The following LRP5 variants were observed in gnomAD, a reference collection of about 807,000 sequenced individuals.
LRP5 encodes LDL receptor related protein 5.
In LRP5, 62 loss-of-function variants were observed where a neutral mutation model predicts 154.1. That is an observed-to-expected ratio of 0.40 (90% CI 0.33 to 0.50). The LOEUF is 0.50. LRP5 is among the 20% of genes least tolerant of loss of function. The pLI, the probability that LRP5 is intolerant of heterozygous loss-of-function variation, is 0.55. For missense variants in LRP5, 1,915 were observed against 2,336.7 expected (o/e 0.82, Z 3.72); for synonymous variants, 966 against 1,011.5 (o/e 0.96, Z 0.85).
chr11:68,406,481 G>C (rs1311902755), intron 8 of LRP5, 43 bp from the exon 9 acceptor site: 5 of 1,605,110 alleles, frequency 3.1e-6, no homozygotes, highest in Non-Finnish European at 4.3e-6. Context: ...TTTCCCTGCT[G>C]GGCTGTTGAT....
intron 5 of LRP5, among the ~76,000 whole-genome samples, chr11:68,372,503 T>TGGCGGCG (rs1565353690): frequency 1.9e-3 from 89 of 47,794 alleles, no homozygotes; most frequent in East Asian, 3.3e-3. Flanking sequence ...GACCGGGGAC[T>TGGCGGCG]TGGAGCACCT....
At chr11:68,304,498 C>T in the LRP5 span, among the ~76,000 whole-genome samples, 1 of 152,218 alleles carries the variant, frequency 6.6e-6, no homozygotes, top group African/African-American at 2.4e-5. Context: ...ACATAGAGTC[C>T]CCACTGGGAC....
chr11:68,435,361 T>C (rs2098674285), intron 18 of LRP5, among the ~76,000 whole-genome samples: 1 of 152,246 alleles, frequency 6.6e-6, no homozygotes, highest in South Asian at 2.1e-4. Flanking sequence ...CTCATGGTTC[T>C]GTAGGCAGCA....
At chr11:68,302,810 G>A in the LRP5 span, among the ~76,000 whole-genome samples, 3 of 152,232 alleles carry the variant, frequency 2.0e-5, no homozygotes, top group African/African-American at 4.8e-5. Context: ...AGGTGGCCTC[G>A]CTGGCACAAG....
At chr11:68,415,935 G>A (rs61382873) in intron 12 of LRP5, among the ~76,000 whole-genome samples, 4 of 18,624 alleles carry the variant, frequency 2.1e-4, no homozygotes, top group Admixed American at 7.5e-4. Flanking sequence ...GGCGCCTGTA[G>A]TCCCAGCTAC....
intron 3 of LRP5, among the ~76,000 whole-genome samples, chr11:68,358,360 C>T (rs2098624929): frequency 6.6e-6 from 1 of 152,170 alleles, no homozygotes; most frequent in Non-Finnish European, 1.5e-5. Flanking sequence ...AGGGATCCTT[C>T]CCCTCGGCTC....
intron 9 of LRP5, among the ~76,000 whole-genome samples, chr11:68,409,696 A>C (rs2098658304): frequency 7.0e-6 from 1 of 143,524 alleles, no homozygotes; most frequent in Admixed American, 7.4e-5. Context: ...AGAATACAAA[A>C]AAATTAGCCA....
intron 7 of LRP5, among the ~76,000 whole-genome samples, chr11:68,401,996 T>C (rs2098652864): frequency 6.6e-6 from 1 of 152,216 alleles, no homozygotes. Flanking sequence ...TGCCTGGCCC[T>C]AGCAGCTTTG....
At chr11:68,418,604 G>T (rs2098663887) in intron 13 of LRP5, among the ~76,000 whole-genome samples, 2 of 152,192 alleles carry the variant, frequency 1.3e-5, no homozygotes, top group Admixed American at 1.3e-4. Context: ...CGTCCAGACA[G>T]GCTGGACGCC....
chr11:68,363,662 A>AAAAAAAAG, intron 3 of LRP5, 85 bp from the exon 4 acceptor site: 1 of 1,208,366 alleles, frequency 8.3e-7, no homozygotes, highest in Non-Finnish European at 1.2e-6. Flanking sequence ...ATCTCAAAAA[A>AAAAAAAAG]AAAAAAAGAA....
Position 68,379,416 on chromosome 11 carries a change from G to A in LRP5, c.1016-6900G>A, listed in dbSNP as rs1221257875. On this transcript the variant is annotated intron_variant, in intron 5 of 22. Transcript: ENST00000294304. ...TCTTAGAGAGGAAATGCTGGGGTCCGCGGTTCCCGGGCTGCTGACCAGGAA... is the reference window on the plus strand; with the variant it reads ...TCTTAGAGAGGAAATGCTGGGGTCCACGGTTCCCGGGCTGCTGACCAGGAA... Among the ~76,000 whole-genome samples, 4 of 152,154 alleles carry A rather than the reference G, an allele frequency of 2.6e-5. No individual in the cohort carries two copies. The South Asian group carries it at 6.2e-4, about 24-fold the overall frequency.
the LRP5 span, among the ~76,000 whole-genome samples, chr11:68,302,694 T>C: frequency 6.6e-6 from 1 of 152,284 alleles, no homozygotes; most frequent in East Asian, 1.9e-4. Context: ...AGAAAGGACA[T>C]GTGTCCCCTG....
intron 1 of LRP5, among the ~76,000 whole-genome samples, chr11:68,331,871 A>C (rs2098603020): frequency 2.0e-5 from 3 of 152,130 alleles, no homozygotes; most frequent in Non-Finnish European, 4.4e-5. Context: ...GGCCAAGGGC[A>C]GGTTCCAGGT....
rs899785700 is a variant in LRP5, at chr11:68,436,409, G to C, written c.4001-480G>C. On this transcript the variant is annotated intron_variant, in intron 18 of 22. Transcript: ENST00000294304. ...TGGCCAGAGACTGTGGCCTTGTGCT[G>C]CTCCCGTGTGGGCTGCCTGCACCTC... Among the ~76,000 whole-genome samples, 38 of 152,168 alleles carry C rather than the reference G, an allele frequency of 2.5e-4. 2 individuals are homozygous for C. The highest frequency in any genetic ancestry group is 3.4e-4 in the Non-Finnish European group (23 of 67,982).
intron 22 of LRP5, chr11:68,446,979 G>A (rs960991813): frequency 2.6e-5 from 7 of 265,276 alleles, no homozygotes; most frequent in African/African-American, 6.6e-5. Flanking sequence ...ACCCCTAATC[G>A]TGTGACGTCA....
chr11:68,366,905 C>G (rs1426106591), intron 5 of LRP5, among the ~76,000 whole-genome samples: 1 of 150,848 alleles, frequency 6.6e-6, no homozygotes, highest in Non-Finnish European at 1.5e-5. Flanking sequence ...ATTTGTCGAA[C>G]ACTTGCCGGG....
chr11:68,373,396 G>T (rs1414725079), intron 5 of LRP5, among the ~76,000 whole-genome samples: 2 of 152,040 alleles, frequency 1.3e-5, no homozygotes, highest in Non-Finnish European at 2.9e-5. Flanking sequence ...TGGCGGGGGG[G>T]GCCCCGCACT....
In LRP5 at chr11:68,351,621, C is replaced by T. The variant is rs547516791; in HGVS notation, c.488+3378C>T. Among the ~76,000 whole-genome samples the T allele has an allele frequency of 4.6e-5, 7 of 152,334 alleles. No homozygotes were observed. In the South Asian group the frequency reaches 1.5e-3, roughly 32 times the overall value. On this transcript the variant is annotated intron_variant, in intron 2 of 22. Coordinates refer to ENST00000294304, the MANE Select transcript of LRP5 (RefSeq NM_002335.4). The stretch of plus-strand genomic sequence containing the variant: ...CCTCCCAGCGTGGGTCGCTGCAGCT[C>T]CCTCACCTCCCAACCAGGCATCCAC...
At chr11:68,343,904 G>C (rs1230411971) in intron 1 of LRP5, among the ~76,000 whole-genome samples, 3 of 152,142 alleles carry the variant, frequency 2.0e-5, no homozygotes, top group Non-Finnish European at 2.9e-5. Context: ...AATGTGCCGG[G>C]GCCTGGGGGC....
Sources: allele counts gnomAD v4.1 joint callset (sites outside exome capture counted in the v4.1 genomes callset), GRCh38; gene constraint gnomAD v4.1.1; transcripts MANE v1.5; gene names NCBI Gene and HGNC (gene_info 2026-07-23, HGNC 2026-07-21).